The following CADM2 variants were observed in gnomAD, a reference collection of about 807,000 sequenced individuals.
CADM2 encodes the protein immunoglobulin superfamily member 4D.
In CADM2, 12 loss-of-function variants were observed where a neutral mutation model predicts 49.8. The observed-to-expected ratio is 0.24, with a 90% CI of 0.15 to 0.39. The LOEUF (loss-of-function observed/expected upper bound fraction) is 0.39. Ranked by LOEUF, CADM2 falls within the 10% of genes least tolerant of loss-of-function variation. The probability of loss-of-function intolerance (pLI) is 1.00; values close to 1 mark genes in which losing one functional copy is unlikely to be tolerated. For missense variants in CADM2, 378 were observed against 492.3 expected (o/e 0.77, Z 2.20); for synonymous variants, 214 against 175.4 (o/e 1.22, Z -1.74).
intron 1 of CADM2, among the ~76,000 whole-genome samples, chr3:85,530,330 T>C (rs1342997954): frequency 1.5e-5 from 1 of 66,926 alleles, no homozygotes; most frequent in East Asian, 1.0e-3. Context: ...CCGTTTTTTT[T>C]TTTTTTTTTT....
chr3:85,994,313 T>A (rs1729110009), intron 8 of CADM2: 1 of 152,238 alleles, frequency 6.6e-6, no homozygotes. Context: ...AGCTCCTTCA[T>A]GTCTTTCAAT....
chr3:85,502,474 A>G (rs528521746), intron 1 of CADM2, among the ~76,000 whole-genome samples: 17 of 152,008 alleles, frequency 1.1e-4, no homozygotes, highest in Non-Finnish European at 2.2e-4. Flanking sequence ...AGTGTCATAT[A>G]TATTGTTAAA....
chr3:85,878,761 G>A (rs186431358), intron 3 of CADM2, among the ~76,000 whole-genome samples: 2 of 152,062 alleles, frequency 1.3e-5, no homozygotes, highest in South Asian at 4.1e-4. Context: ...GAGCAATTCA[G>A]TTTAACTTTG....
chr3:85,941,679 T>G (rs763936488), intron 7 of CADM2, among the ~76,000 whole-genome samples: 22 of 152,100 alleles, frequency 1.4e-4, no homozygotes, highest in Non-Finnish European at 2.5e-4. Flanking sequence ...AGATTGAGTT[T>G]TAGTTTGATG....
chr3:85,464,362 CA>C (rs2038394035), intron 1 of CADM2, among the ~76,000 whole-genome samples: 1 of 151,862 alleles, frequency 6.6e-6, no homozygotes, highest in African/African-American at 2.4e-5. Context: ...ATGAAAAGTA[CA>C]AAAAGAAAAG....
chr3:84,992,917 G>C (rs1217667352), intron 1 of CADM2, among the ~76,000 whole-genome samples: 1 of 152,116 alleles, frequency 6.6e-6, no homozygotes, highest in Admixed American at 6.6e-5. Flanking sequence ...TCAAGTAGTA[G>C]ATTTCATGTC....
intron 1 of CADM2, among the ~76,000 whole-genome samples, chr3:85,688,730 G>A (rs2066290385): frequency 6.6e-6 from 1 of 151,912 alleles, no homozygotes; most frequent in Admixed American, 6.6e-5. Context: ...ACCACATCCA[G>A]CTAATTTTTG....
chr3:85,217,201 C>G (rs1284248695), intron 1 of CADM2, among the ~76,000 whole-genome samples: 2 of 151,670 alleles, frequency 1.3e-5, no homozygotes, highest in African/African-American at 4.8e-5. Flanking sequence ...TCTTATAACA[C>G]TGGCACAAAA....
chr3:85,080,090 C>G (rs2037106335), intron 1 of CADM2, among the ~76,000 whole-genome samples: 1 of 151,940 alleles, frequency 6.6e-6, no homozygotes, highest in Non-Finnish European at 1.5e-5. Context: ...TTTGAGAAAT[C>G]TCAGAAGGGA....
intron 1 of CADM2, among the ~76,000 whole-genome samples, chr3:85,291,299 A>G (rs1018126423): frequency 1.3e-5 from 2 of 151,796 alleles, no homozygotes; most frequent in African/African-American, 4.9e-5. Flanking sequence ...GAAAAGACCA[A>G]ATCTACATCT....
chr3:85,862,204 A>T (rs1408125448), intron 3 of CADM2, among the ~76,000 whole-genome samples: 1 of 152,174 alleles, frequency 6.6e-6, no homozygotes, highest in Non-Finnish European at 1.5e-5. Context: ...TTTACTTAGC[A>T]GTATGACACT....
chr3:85,326,750 A>C (rs1403201279), intron 1 of CADM2, among the ~76,000 whole-genome samples: 1 of 152,154 alleles, frequency 6.6e-6, no homozygotes, highest in Non-Finnish European at 1.5e-5. Flanking sequence ...ATTCATGTCC[A>C]CATGCTTTGT....
At chr3:85,793,331 G>A (rs1260887771) in intron 2 of CADM2, among the ~76,000 whole-genome samples, 1 of 152,090 alleles carries the variant, frequency 6.6e-6, no homozygotes, top group Non-Finnish European at 1.5e-5. Flanking sequence ...ACTAAACTTG[G>A]CAGCCAAAGA....
At position 85,732,690 on chromosome 3, in the gene CADM2, G is replaced by T. The variant is rs572377949; in HGVS notation, c.88+6142G>T. Among the ~76,000 whole-genome samples the T allele has an allele frequency of 4.4e-4, 67 of 152,306 alleles. 1 individual carries two copies. Among genetic ancestry groups the T allele is most frequent in the African/African-American group, 1.6e-3 (65 of 41,558 alleles). ...TAATATTTCTTAAATGTTACCATGT[G>T]TGAGACATTGTGCTAAGCATTCGTA... On this transcript the variant is annotated intron_variant, in intron 2 of 9. Coordinates refer to ENST00000383699, the MANE Select transcript of CADM2 (RefSeq NM_001167675.2).
intron 1 of CADM2, among the ~76,000 whole-genome samples, chr3:85,484,909 C>G (rs1441838802): frequency 2.0e-5 from 3 of 151,840 alleles, no homozygotes; most frequent in African/African-American, 7.2e-5. Flanking sequence ...CTTACGGAGA[C>G]AGGCATTCAT....
intron 5 of CADM2, among the ~76,000 whole-genome samples, chr3:85,889,857 A>G (rs1172722855): frequency 6.6e-6 from 1 of 152,140 alleles, no homozygotes; most frequent in East Asian, 1.9e-4. Context: ...ATAAGACATA[A>G]CAGGCACAGG....
chr3:85,288,003 A>G (rs984181273), intron 1 of CADM2, among the ~76,000 whole-genome samples: 2 of 151,740 alleles, frequency 1.3e-5, no homozygotes, highest in African/African-American at 2.4e-5. Context: ...TGTAAATGAG[A>G]AGTTAATGGG....
At chr3:85,276,516 C>T (rs2043360843) in intron 1 of CADM2, among the ~76,000 whole-genome samples, 1 of 151,204 alleles carries the variant, frequency 6.6e-6, no homozygotes, top group Non-Finnish European at 1.5e-5. Flanking sequence ...AATTTGTCTT[C>T]TTGTTAATTT....
At chr3:85,418,098 T>C (rs912010289) in intron 1 of CADM2, among the ~76,000 whole-genome samples, 7 of 152,142 alleles carry the variant, frequency 4.6e-5, no homozygotes, top group Non-Finnish European at 8.8e-5. Context: ...ACATCTCTTA[T>C]GCCTTTCCTA....
Sources: gnomAD v4.1 joint callset for allele counts (sites outside exome capture counted in the v4.1 genomes callset) on GRCh38, gnomAD v4.1.1 for gene constraint, MANE v1.5 for transcripts, NCBI Gene and HGNC (gene_info 2026-07-23, HGNC 2026-07-21) for gene names.